Variants in TTLL1 observed in about 807,000 individuals in gnomAD.
The protein encoded by TTLL1 is TTL family tubulin polyglutamylase complex subunit L1.
In TTLL1, 33 loss-of-function variants were observed where a neutral mutation model predicts 47.8. The ratio of observed to expected loss-of-function variants is 0.69; its 90% CI spans 0.52 to 0.92. The LOEUF is 0.92. Among genes scored for constraint, TTLL1 ranks in the 40% least tolerant of loss-of-function variants. The pLI is 0.00. For synonymous variants in TTLL1, 225 were observed against 214.1 expected (o/e 1.05, Z -0.45); for missense variants, 488 against 547.5 (o/e 0.89, Z 1.08).
rs564251931 is a variant in TTLL1 at position 43,074,463 on chromosome 22, A to G, written c.113+1011T>C. 2.4e-4 allele frequency among the ~76,000 whole-genome samples: 37 copies of G among 151,938 alleles called. No homozygotes were observed. The East Asian group carries it at 3.3e-3, about 14-fold the overall frequency. ...AAAAAAAAAGAAAGAAAGAAAGAAA[A>G]AAAAATATATGTATCAATTAGCCAA... On this transcript the variant is annotated intron_variant, in intron 3 of 10. Coordinates refer to ENST00000266254, the MANE Select transcript of TTLL1 (RefSeq NM_012263.5).
intron 2 of TTLL1, among the ~76,000 whole-genome samples, chr22:43,077,071 A>G (rs2146988601): frequency 6.6e-6 from 1 of 152,178 alleles, no homozygotes; most frequent in Non-Finnish European, 1.5e-5. Flanking sequence ...ACTGCACTCC[A>G]GCCTGGGTGA....
chr22:43,061,646 C>A (rs1443883334), intron 7 of TTLL1, among the ~76,000 whole-genome samples: 1 of 152,168 alleles, frequency 6.6e-6, no homozygotes, highest in African/African-American at 2.4e-5. Context: ...GAAATTAGAG[C>A]CCCTAACCTG....
At chr22:43,051,289 G>A (rs566648324) in intron 9 of TTLL1, among the ~76,000 whole-genome samples, 1 of 152,368 alleles carries the variant, frequency 6.6e-6, no homozygotes, top group South Asian at 2.1e-4. Flanking sequence ...AGGAGGCAGT[G>A]CTAAACAGAT....
At chr22:43,056,493 A>G (rs1024862496) in intron 8 of TTLL1, among the ~76,000 whole-genome samples, 79 of 129,944 alleles carry the variant, frequency 6.1e-4, no homozygotes, top group Middle Eastern at 4.7e-3. Context: ...TTTTAAAGAG[A>G]CAGGGCTGGC....
chr22:43,071,086 A>G (rs893071688), intron 3 of TTLL1, among the ~76,000 whole-genome samples: 7 of 151,738 alleles, frequency 4.6e-5, no homozygotes, highest in Non-Finnish European at 8.8e-5. Context: ...CTAAATTTTT[A>G]TAATTTTTTT....
intron 10 of TTLL1, among the ~76,000 whole-genome samples, chr22:43,042,898 T>C (rs1925799708): frequency 6.6e-6 from 1 of 151,482 alleles, no homozygotes; most frequent in African/African-American, 2.4e-5. Flanking sequence ...TGTTGTCTCT[T>C]CAACTAAAAG....
At chr22:43,082,867 A>G (rs1433285782) in intron 1 of TTLL1, among the ~76,000 whole-genome samples, 3 of 151,572 alleles carry the variant, frequency 2.0e-5, no homozygotes, top group African/African-American at 7.3e-5. Flanking sequence ...TACAAAAATT[A>G]GCTGGGCATG....
At chr22:43,048,633 G>C (rs1346120094) in intron 9 of TTLL1, among the ~76,000 whole-genome samples, 1 of 148,104 alleles carries the variant, frequency 6.8e-6, no homozygotes, top group Admixed American at 6.7e-5. Flanking sequence ...AGCGAGACTT[G>C]GTCTCTTAAA....
At chr22:43,075,391 G>C (rs1928416007) in intron 3 of TTLL1, 83 bp downstream of exon 3, 1 of 1,151,108 alleles carries the variant, frequency 8.7e-7, no homozygotes, top group Non-Finnish European at 1.3e-6. Flanking sequence ...TGGCTCTGAG[G>C]CCACTCTCTG....
intron 9 of TTLL1, among the ~76,000 whole-genome samples, chr22:43,051,540 G>A (rs1433394203): frequency 6.6e-6 from 1 of 152,050 alleles, no homozygotes; most frequent in East Asian, 1.9e-4. Flanking sequence ...TAGCCCAGAT[G>A]CACCCTGGAG....
chr22:43,045,997 A>C (rs1330760790), intron 10 of TTLL1, among the ~76,000 whole-genome samples: 7 of 152,072 alleles, frequency 4.6e-5, no homozygotes, highest in African/African-American at 1.4e-4. Context: ...GAGGTGGGAG[A>C]ATCACTTGAG....
chr22:43,074,443 A>AG (rs1555964462), intron 3 of TTLL1, among the ~76,000 whole-genome samples: 7 of 150,782 alleles, frequency 4.6e-5, no homozygotes, highest in African/African-American at 1.2e-4. Context: ...AAAAAAAAAA[A>AG]AAAGAAAGAA....
At chr22:43,078,238 A>G (rs2146989663) in intron 2 of TTLL1, among the ~76,000 whole-genome samples, 2 of 152,204 alleles carry the variant, frequency 1.3e-5, no homozygotes, top group Admixed American at 1.3e-4. Context: ...GCTCATGTCT[A>G]CAATCCCAGC....
intron 5 of TTLL1, among the ~76,000 whole-genome samples, chr22:43,067,425 C>T (rs1927811053): frequency 6.6e-6 from 1 of 152,218 alleles, no homozygotes; most frequent in Non-Finnish European, 1.5e-5. Flanking sequence ...GACCCTAGGG[C>T]CACGAGTCCC....
chr22:43,064,966 T>C (rs139405166), intron 5 of TTLL1, among the ~76,000 whole-genome samples: 1 of 151,890 alleles, frequency 6.6e-6, no homozygotes, highest in East Asian at 2.0e-4. Flanking sequence ...GCCAACATGG[T>C]GAAACCCTGT....
At chr22:43,077,077 G>A (rs778139761) in intron 2 of TTLL1, among the ~76,000 whole-genome samples, 24 of 152,032 alleles carry the variant, frequency 1.6e-4, no homozygotes, top group Admixed American at 3.3e-4. Context: ...CTCCAGCCTG[G>A]GTGACAGAGT....
intron 10 of TTLL1, among the ~76,000 whole-genome samples, chr22:43,043,757 G>C (rs1256297846): frequency 6.6e-6 from 1 of 151,924 alleles, no homozygotes; most frequent in East Asian, 1.9e-4. Flanking sequence ...GTTGGAGGGG[G>C]CCTCCTCTCT....
chr22:43,086,851 A>G (rs940172836), intron 1 of TTLL1, among the ~76,000 whole-genome samples: 2 of 152,146 alleles, frequency 1.3e-5, no homozygotes, highest in African/African-American at 2.4e-5. Flanking sequence ...CAGCGGACCA[A>G]TGTGTGACAC....
chr22:43,042,066 G>C (rs906747682), intron 10 of TTLL1, among the ~76,000 whole-genome samples: 1 of 152,092 alleles, frequency 6.6e-6, no homozygotes, highest in African/African-American at 2.4e-5. Flanking sequence ...CCCCTACCCC[G>C]TGGGGACTCC....
Sources: gnomAD v4.1 joint callset for allele counts (sites outside exome capture counted in the v4.1 genomes callset) on GRCh38, gnomAD v4.1.1 for gene constraint, MANE v1.5 for transcripts, NCBI Gene and HGNC (gene_info 2026-07-23, HGNC 2026-07-21) for gene names.